EXD3: variants seen among roughly 807,000 people sequenced by gnomAD.
EXD3 encodes the protein exonuclease mut-7 homolog.
EXD3 carries 92 observed loss-of-function variants against 98.0 expected under a neutral mutation model. The observed-to-expected ratio is 0.94, with a 90% CI of 0.79 to 1.12. The LOEUF (loss-of-function observed/expected upper bound fraction) is 1.12, where lower values mean the gene tolerates loss of function less well. Among genes scored for constraint, EXD3 ranks in the 50% most tolerant of loss-of-function variants. The pLI is 0.00. For missense variants in EXD3, 1,222 were observed against 1,191.6 expected, an observed-to-expected ratio of 1.03 and a Z score of -0.38; for synonymous variants, 569 against 526.0, an observed-to-expected ratio of 1.08 and a Z score of -1.12.
intron 17 of EXD3, among the ~76,000 whole-genome samples, chr9:137,336,263 A>C (rs1833347657): frequency 6.6e-6 from 1 of 152,182 alleles, no homozygotes; most frequent in African/African-American, 2.4e-5. Flanking sequence ...ATGTAACCAA[A>C]TGCCACTTGT....
At chr9:137,408,095 T>C (rs1167042425) in intron 1 of EXD3, among the ~76,000 whole-genome samples, 1 of 152,098 alleles carries the variant, frequency 6.6e-6, no homozygotes, top group African/African-American at 2.4e-5. Flanking sequence ...TCCAGAAAGC[T>C]CTGAAGCCCA....
intron 19 of EXD3, among the ~76,000 whole-genome samples, chr9:137,312,630 C>T (rs974853681): frequency 1.3e-5 from 2 of 152,110 alleles, no homozygotes; most frequent in Admixed American, 1.3e-4. Flanking sequence ...GAAAGAGCTG[C>T]TCAGCCACTG....
At chr9:137,329,217 A>G (rs1298514827) in intron 17 of EXD3, among the ~76,000 whole-genome samples, 2 of 10,280 alleles carry the variant, frequency 1.9e-4, no homozygotes, top group Admixed American at 1.0e-3. Context: ...GCTACACGGG[A>G]CGACACGGGG....
intron 19 of EXD3, among the ~76,000 whole-genome samples, chr9:137,314,680 C>G (rs1009152359): frequency 1.3e-5 from 2 of 152,138 alleles, no homozygotes; most frequent in Non-Finnish European, 2.9e-5. Flanking sequence ...AGCCGCTGCC[C>G]CGTCCCCTTT....
At chr9:137,376,004 C>T (rs1033553484) in intron 3 of EXD3, among the ~76,000 whole-genome samples, 1 of 152,130 alleles carries the variant, frequency 6.6e-6, no homozygotes, top group African/African-American at 2.4e-5. Context: ...ATTTTACTCT[C>T]TCTTCTCTTT....
chr9:137,376,464 G>A (rs896139843), intron 3 of EXD3, among the ~76,000 whole-genome samples: 5 of 150,538 alleles, frequency 3.3e-5, no homozygotes, highest in African/African-American at 4.9e-5. Flanking sequence ...AGCAGAACTC[G>A]CCTGCAGGAG....
Position 137,407,531 on chromosome 9 carries a change from C to T in EXD3, c.-47-12127G>A, listed in dbSNP as rs2131813747. ...CACAACCCAGAACCCAGCGTCCCCG[C>T]CCCCATCTCCCGGGATCCCTTGGCT... On this transcript the variant is annotated intron_variant, in intron 1 of 21. Coordinates refer to ENST00000340951, the MANE Select transcript of EXD3 (RefSeq NM_017820.5). The surrounding 1 kb of genome is among the most constrained non-coding windows in gnomAD (Gnocchi z 4.4). Among the ~76,000 whole-genome samples, 1 of 152,322 alleles carries T rather than the reference C, an allele frequency of 6.6e-6. No homozygotes were observed. The highest frequency in any genetic ancestry group is 2.1e-4 in the South Asian group (1 of 4,830).
At chr9:137,373,177 C>A (rs1835725835) in intron 4 of EXD3, 105 bp from the exon 5 acceptor site, 3 of 1,365,832 alleles carry the variant, frequency 2.2e-6, no homozygotes, top group Non-Finnish European at 3.0e-6. Flanking sequence ...GCCACTGTGG[C>A]CATGTGTGGG....
At chr9:137,408,764 C>A (rs1282910588) in intron 1 of EXD3, among the ~76,000 whole-genome samples, 1 of 152,088 alleles carries the variant, frequency 6.6e-6, no homozygotes, top group Non-Finnish European at 1.5e-5. Flanking sequence ...AAAGGTGGAG[C>A]CTCGAGCCAA....
At position 137,372,316 on chromosome 9, in the gene EXD3, C is replaced by T. The variant is rs184230502; in HGVS notation, c.462+589G>A. ...GAACCTTGTCCTGTGTCCCAGGCGC[C>T]GGCACTGCCCACTCTGGGCTTCTGT... On this transcript the variant is annotated intron_variant, in intron 5 of 21. Coordinates refer to ENST00000340951, the MANE Select transcript of EXD3 (RefSeq NM_017820.5). 9.2e-5 allele frequency among the ~76,000 whole-genome samples: 14 copies of T among 152,338 alleles called. 1 individual carries two copies. Among genetic ancestry groups the T allele is most frequent in the Admixed American group, 7.2e-4 (11 of 15,302 alleles).
intron 1 of EXD3, among the ~76,000 whole-genome samples, chr9:137,398,068 A>G (rs1479727121): frequency 3.3e-5 from 5 of 152,276 alleles, no homozygotes; most frequent in Admixed American, 2.0e-4. Context: ...AAAAAGTGTC[A>G]TCACTGAAAT....
intron 16 of EXD3, 92 bp from the exon 17 acceptor site, chr9:137,348,330 C>T: frequency 7.6e-7 from 1 of 1,321,092 alleles, no homozygotes; most frequent in Non-Finnish European, 1.0e-6. Context: ...GTGGCCAGCA[C>T]TCTGTCTCTG....
chr9:137,388,372 A>G (rs2131738807), intron 2 of EXD3, among the ~76,000 whole-genome samples: 1 of 152,238 alleles, frequency 6.6e-6, no homozygotes, highest in African/African-American at 2.4e-5. Flanking sequence ...GGATGGTTGC[A>G]GGGACGCAGG....
At position 137,403,071 on chromosome 9, in the gene EXD3, C is replaced by T. The variant is rs1837542261; in HGVS notation, c.-47-7667G>A. 6.6e-6 allele frequency among the ~76,000 whole-genome samples: 1 copy of T among 152,132 alleles called. No homozygotes were observed. The highest frequency in any genetic ancestry group is 6.5e-5 in the Admixed American group (1 of 15,270). ...TCAAGTTGAGATGTGGGTGAGGACACAGCCAAAGCATATCACCCGCCACGG... is the reference window on the plus strand; with the variant it reads ...TCAAGTTGAGATGTGGGTGAGGACATAGCCAAAGCATATCACCCGCCACGG... On this transcript the variant is annotated intron_variant, in intron 1 of 21. Coordinates refer to ENST00000340951, the MANE Select transcript of EXD3 (RefSeq NM_017820.5). The surrounding 1 kb of genome is among the most constrained non-coding windows in gnomAD (Gnocchi z 6.1).
chr9:137,353,089 C>A (rs368757555), intron 10 of EXD3: 17 of 1,233,154 alleles, frequency 1.4e-5, no homozygotes, highest in Non-Finnish European at 1.5e-5. Flanking sequence ...CCCAGCTGGC[C>A]CCTCCTGGCC....
At chr9:137,410,857 G>T (rs1371122767) in intron 1 of EXD3, among the ~76,000 whole-genome samples, 8 of 152,140 alleles carry the variant, frequency 5.3e-5, no homozygotes, top group Non-Finnish European at 8.8e-5. Flanking sequence ...CCTGAGTGAG[G>T]TCCAAGGCTC....
intron 7 of EXD3, among the ~76,000 whole-genome samples, chr9:137,358,171 T>C (rs1834886011): frequency 6.6e-6 from 1 of 152,216 alleles, no homozygotes; most frequent in Admixed American, 6.5e-5. Flanking sequence ...AGCATGCGTG[T>C]GGCTGGCGAG....
Position 137,308,257 on chromosome 9 carries a change from G to A in EXD3, c.2279-611C>T, listed in dbSNP as rs147399858. Among the ~76,000 whole-genome samples the A allele has an allele frequency of 4.9e-3, 743 of 152,262 alleles. 5 individuals carry two copies. Among genetic ancestry groups the A allele is most frequent in the African/African-American group, 0.017 (698 of 41,532 alleles). ...GTCTGCCCTGCTCCTGTTGACCCTC[G>A]TAATTTGCTCAGCAAGCATTTCGCT... On this transcript the variant is annotated intron_variant, in intron 20 of 21. Transcript: ENST00000340951.
chr9:137,332,119 G>A (rs867833338), intron 17 of EXD3, among the ~76,000 whole-genome samples: 1 of 152,118 alleles, frequency 6.6e-6, no homozygotes, highest in Non-Finnish European at 1.5e-5. Flanking sequence ...ACATCCCATG[G>A]TCATGAATTG....
Sources: gnomAD v4.1 joint callset for allele counts (sites outside exome capture counted in the v4.1 genomes callset) on GRCh38, gnomAD v4.1.1 for gene constraint, Gnocchi (gnomAD v3.1) non-coding constraint, MANE v1.5 for transcripts, NCBI Gene and HGNC (gene_info 2026-07-23, HGNC 2026-07-21) for gene names.